The following PACRG variants were observed in gnomAD, a reference collection of about 807,000 sequenced individuals.
PACRG encodes parkin coregulated gene protein.
A neutral mutation model predicts 29.7 loss-of-function variants in PACRG; 29 were observed. The ratio of observed to expected loss-of-function variants is 0.98; its 90% CI spans 0.73 to 1.33. The LOEUF (loss-of-function observed/expected upper bound fraction) is 1.33, where lower values mean the gene tolerates loss of function less well. Among genes scored for constraint, PACRG ranks in the 40% most tolerant of loss-of-function variants. PACRG has a pLI of 0.00. For synonymous variants in PACRG, 116 were observed against 118.7 expected (o/e 0.98, Z 0.15); for missense variants, 279 against 316.2 (o/e 0.88, Z 0.89).
intron 2 of PACRG, among the ~76,000 whole-genome samples, chr6:162,833,835 CT>C (rs1378500066): frequency 2.6e-5 from 4 of 151,938 alleles, no homozygotes; most frequent in Non-Finnish European, 4.4e-5. Context: ...AATCTTATTT[CT>C]TTTCTTTCCT....
At chr6:162,798,135 T>C (rs1785534593) in intron 1 of PACRG, among the ~76,000 whole-genome samples, 1 of 152,186 alleles carries the variant, frequency 6.6e-6, no homozygotes, top group Non-Finnish European at 1.5e-5. Context: ...TTTTCCTAAA[T>C]GCTTATTTAA....
At chr6:163,290,365 T>G (rs1457523084) in intron 4 of PACRG, among the ~76,000 whole-genome samples, 6 of 151,044 alleles carry the variant, frequency 4.0e-5, no homozygotes, top group Non-Finnish European at 8.9e-5. Context: ...TTGGGTTACA[T>G]TCATAACCTA....
At chr6:162,901,484 C>T (rs1006994656) in intron 2 of PACRG, among the ~76,000 whole-genome samples, 1 of 152,152 alleles carries the variant, frequency 6.6e-6, no homozygotes, top group African/African-American at 2.4e-5. Flanking sequence ...CAGGATGATA[C>T]ATAGATAAAG....
chr6:162,826,032 T>C (rs949411987), intron 2 of PACRG, among the ~76,000 whole-genome samples: 3 of 152,226 alleles, frequency 2.0e-5, no homozygotes, highest in African/African-American at 7.2e-5. Flanking sequence ...TTTTCTCAAT[T>C]AACTGAATAT....
chr6:163,260,932 C>G (rs75097332), intron 4 of PACRG, among the ~76,000 whole-genome samples: 3 of 151,840 alleles, frequency 2.0e-5, no homozygotes, highest in Non-Finnish European at 4.4e-5. Flanking sequence ...AATCTAGGAA[C>G]CTTTTTTTTT....
chr6:162,820,674 C>T (rs1450361158), intron 2 of PACRG, among the ~76,000 whole-genome samples: 1 of 151,974 alleles, frequency 6.6e-6, no homozygotes, highest in Non-Finnish European at 1.5e-5. Context: ...ATCTGTTGCC[C>T]CTAAGGTAAA....
chr6:162,933,601 C>CTTT (rs71008119), intron 2 of PACRG, among the ~76,000 whole-genome samples: 1,427 of 73,990 alleles, frequency 0.019, 21 homozygotes, highest in African/African-American at 0.046. Context: ...CTTTCTGTAT[C>CTTT]TTTTTTTTTT....
At chr6:163,104,066 A>G (rs1404753905) in intron 4 of PACRG, among the ~76,000 whole-genome samples, 1 of 152,224 alleles carries the variant, frequency 6.6e-6, no homozygotes, top group Non-Finnish European at 1.5e-5. Context: ...AGTTTCATTG[A>G]TCCGATTTAA....
intron 4 of PACRG, among the ~76,000 whole-genome samples, chr6:163,196,794 G>A (rs556856005): frequency 6.6e-6 from 1 of 152,038 alleles, no homozygotes; most frequent in South Asian, 2.1e-4. Flanking sequence ...CAGACAGAAA[G>A]ACTAGACAGA....
chr6:163,170,148 C>T (rs1779003572), intron 4 of PACRG, among the ~76,000 whole-genome samples: 1 of 152,106 alleles, frequency 6.6e-6, no homozygotes, highest in African/African-American at 2.4e-5. Context: ...GACAGTTCAG[C>T]CCGTAACCAG....
intron 1 of PACRG, among the ~76,000 whole-genome samples, chr6:162,779,664 A>G (rs560931605): frequency 6.6e-6 from 1 of 152,278 alleles, no homozygotes; most frequent in South Asian, 2.1e-4. Flanking sequence ...CATGAGCAAA[A>G]CCAGTCTTCC....
intron 2 of PACRG, among the ~76,000 whole-genome samples, chr6:162,897,176 G>T (rs937408921): frequency 6.6e-6 from 1 of 152,142 alleles, no homozygotes; most frequent in Non-Finnish European, 1.5e-5. Flanking sequence ...AGAGAAATTT[G>T]GAATTCCCCA....
At chr6:163,297,634 A>G (rs1784825427) in intron 4 of PACRG, among the ~76,000 whole-genome samples, 2 of 152,142 alleles carry the variant, frequency 1.3e-5, no homozygotes, top group African/African-American at 4.8e-5. Context: ...ATCAATTGCA[A>G]TATATCATGA....
chr6:163,083,838 A>G (rs1033751119), intron 3 of PACRG, among the ~76,000 whole-genome samples: 1 of 152,164 alleles, frequency 6.6e-6, no homozygotes, highest in African/African-American at 2.4e-5. Context: ...AAGAAGCAGA[A>G]ATGTTTCCTT....
chr6:163,200,278 T>C (rs1370018127), intron 4 of PACRG, among the ~76,000 whole-genome samples: 1 of 152,126 alleles, frequency 6.6e-6, no homozygotes, highest in Non-Finnish European at 1.5e-5. Context: ...TTTAGTCCCC[T>C]GGGACTCTTG....
chr6:163,125,294 A>G (rs1562929546), intron 4 of PACRG, among the ~76,000 whole-genome samples: 1 of 152,242 alleles, frequency 6.6e-6, no homozygotes, highest in South Asian at 2.1e-4. Flanking sequence ...TAAATCTATA[A>G]AAGTACTAGA....
chr6:163,195,681 C>T (rs1355644352), intron 4 of PACRG, among the ~76,000 whole-genome samples: 2 of 152,194 alleles, frequency 1.3e-5, no homozygotes, highest in African/African-American at 2.4e-5. Context: ...GGAGGCCGCC[C>T]GACCCCCCTC....
intron 4 of PACRG, among the ~76,000 whole-genome samples, chr6:163,299,321 G>A (rs1183313441): frequency 1.3e-5 from 2 of 152,216 alleles, no homozygotes; most frequent in African/African-American, 4.8e-5. Context: ...GAAGAGAGCT[G>A]TATTTCACCA....
chr6:162,919,860 A>T (rs951750867), intron 2 of PACRG, among the ~76,000 whole-genome samples: 2 of 152,310 alleles, frequency 1.3e-5, no homozygotes, highest in Middle Eastern at 3.4e-3. Flanking sequence ...AAATAGCTGT[A>T]TAACAGGGTC....
Sources: gnomAD v4.1 joint callset for allele counts (sites outside exome capture counted in the v4.1 genomes callset) on GRCh38, gnomAD v4.1.1 for gene constraint, MANE v1.5 for transcripts, NCBI Gene and HGNC (gene_info 2026-07-23, HGNC 2026-07-21) for gene names.